The following CCDC158 variants were observed in gnomAD, a reference collection of about 807,000 sequenced individuals.
CCDC158 encodes the protein coiled-coil domain containing 158.
CCDC158 carries 116 observed loss-of-function variants against 138.6 expected under a neutral mutation model. The observed-to-expected ratio is 0.84, with a 90% CI of 0.72 to 0.98. CCDC158 has a LOEUF of 0.98. CCDC158 is among the 50% of genes least tolerant of loss of function. CCDC158 has a pLI of 0.00. For synonymous variants in CCDC158, 436 were observed against 442.4 expected (o/e 0.99, Z 0.18); for missense variants, 1,265 against 1,306.1 (o/e 0.97, Z 0.48).
chr4:76,384,456 C>G, intron 5 of CCDC158, 41 bp from the exon 6 acceptor site: 1 of 1,572,922 alleles, frequency 6.4e-7, no homozygotes, highest in Admixed American at 1.8e-5. Flanking sequence ...ATTGATAAAA[C>G]TCATATTCAC....
Position 76,334,101 on chromosome 4 carries a change from A to G in CCDC158, c.2731T>C (p.Leu911=), listed in dbSNP as rs745935143. 2 of 1,613,470 alleles carry G rather than the reference A, an allele frequency of 1.2e-6. No individual in the cohort carries two copies. Among genetic ancestry groups the G allele is most frequent in the Non-Finnish European group, 1.7e-6 (2 of 1,179,714 alleles). Residue 911 remains leucine, a synonymous_variant, in exon 19 of 25, where the codon TTG becomes CTG. Coordinates refer to ENST00000682701, the MANE Select transcript of CCDC158 (RefSeq NM_001394954.1). The part of the protein sequence containing the change: ...TRDLKQLLQE[L]RSVINEEPAV... ...GGCTCCTCATTGATCACGCTTCTCAACTCTTGGAGAAGCTGTTTCAGGTCC... is the reference window on the plus strand; with the variant it reads ...GGCTCCTCATTGATCACGCTTCTCAGCTCTTGGAGAAGCTGTTTCAGGTCC...
chr4:76,344,695 C>T (rs1236057858), intron 18 of CCDC158: 1 of 1,613,798 alleles, frequency 6.2e-7, no homozygotes, highest in African/African-American at 1.3e-5. Flanking sequence ...TTTTCTGTTA[C>T]AAGGCAACAT....
At chr4:76,317,180 C>T (rs929596903) in intron 24 of CCDC158, among the ~76,000 whole-genome samples, 2 of 151,858 alleles carry the variant, frequency 1.3e-5, no homozygotes, top group African/African-American at 4.8e-5. Context: ...CTTAAAGATA[C>T]GGAATGGCAG....
chr4:76,353,772 A>G (rs929623054), intron 15 of CCDC158, among the ~76,000 whole-genome samples: 3 of 152,214 alleles, frequency 2.0e-5, no homozygotes, highest in Non-Finnish European at 4.4e-5. Flanking sequence ...AAGTCACTTA[A>G]CAGCCCAATG....
At chr4:76,313,360 A>C in intron 24 of CCDC158, 114 bp from the exon 25 acceptor site, 1 of 541,052 alleles carries the variant, frequency 1.8e-6, no homozygotes, top group Non-Finnish European at 3.1e-6. Flanking sequence ...TCTGAGCTCA[A>C]GACATTCTTA....
At chr4:76,405,621 C>A (rs1003818230) in intron 2 of CCDC158, among the ~76,000 whole-genome samples, 1 of 151,650 alleles carries the variant, frequency 6.6e-6, no homozygotes, top group Non-Finnish European at 1.5e-5. Context: ...CACTGAATAG[C>A]GATATAAATA....
At chr4:76,379,524 T>C (rs1726029451) in intron 8 of CCDC158, 120 bp from the exon 9 acceptor site, 5 of 480,336 alleles carry the variant, frequency 1.0e-5, no homozygotes, top group Non-Finnish European at 1.8e-5. Context: ...ATTAAGCCAA[T>C]AGTCTTTTAT....
intron 4 of CCDC158, among the ~76,000 whole-genome samples, chr4:76,393,131 A>G (rs1727458772): frequency 6.6e-6 from 1 of 152,108 alleles, no homozygotes. Flanking sequence ...AGAAAAAACA[A>G]TCTTAAAATT....
At position 76,404,998 on chromosome 4, in the gene CCDC158, T is replaced by C. The variant is rs546170775; in HGVS notation, c.-73-1718A>G. Among the ~76,000 whole-genome samples the C allele has an allele frequency of 3.3e-5, 5 of 152,160 alleles. No individual in the cohort carries two copies. In the East Asian group the frequency reaches 9.6e-4, roughly 29 times the overall value. On this transcript the variant is annotated intron_variant, in intron 2 of 24. Coordinates refer to ENST00000682701, the MANE Select transcript of CCDC158 (RefSeq NM_001394954.1). ...ACAGAACTACTATTTAAAACTATAA[T>C]CCAAGAAAATTTTCTAGAAATAAAG...
At chr4:76,407,510 G>T (rs1012299629) in intron 2 of CCDC158, among the ~76,000 whole-genome samples, 2 of 152,116 alleles carry the variant, frequency 1.3e-5, no homozygotes, top group Non-Finnish European at 2.9e-5. Flanking sequence ...GTACAAGAAG[G>T]ATGCCTTCTC....
intron 3 of CCDC158, 71 bp downstream of exon 3, chr4:76,403,067 A>G: frequency 1.9e-6 from 2 of 1,056,350 alleles, no homozygotes; most frequent in Non-Finnish European, 2.9e-6. Context: ...AACATACTAG[A>G]AACAGCAGCT....
intron 18 of CCDC158, among the ~76,000 whole-genome samples, chr4:76,346,158 T>A (rs1463251941): frequency 6.6e-6 from 1 of 152,212 alleles, no homozygotes; most frequent in East Asian, 1.9e-4. Context: ...CCTAATTTAA[T>A]AAATGGTGTT....
intron 20 of CCDC158, 102 bp from the exon 21 acceptor site, chr4:76,331,505 G>T: frequency 2.2e-6 from 2 of 912,418 alleles, no homozygotes; most frequent in Non-Finnish European, 3.6e-6. Context: ...TATGTAGGGT[G>T]AAATGGTATC....
At position 76,383,870 on chromosome 4, in the gene CCDC158, A is replaced by G. The variant is rs1350909812; in HGVS notation, c.727-132T>C. The G allele has an allele frequency of 7.0e-6, 5 of 718,232 alleles. No homozygotes were observed. The African/African-American group carries it at 7.2e-5, about 10-fold the overall frequency. 44.5% of individuals were successfully genotyped at this position (718,232 alleles called of 1,614,324 possible). A position where few individuals can be genotyped will look rare whatever the true frequency, so the allele number is the denominator to read the frequency against. On this transcript the variant is annotated intron_variant, in intron 6 of 24. Transcript: ENST00000682701. ...CTAAAATCAGATACATTCTATCCCC[A>G]TATTTTATTAGATCTTTTACTTTGT...
intron 4 of CCDC158, among the ~76,000 whole-genome samples, chr4:76,389,743 C>T (rs1727142280): frequency 1.3e-5 from 2 of 152,080 alleles, no homozygotes; most frequent in Admixed American, 1.3e-4. Flanking sequence ...TACAATGGAG[C>T]TCCAATACAT....
In CCDC158 at chr4:76,351,750, G is replaced by A. The variant is rs1244502898; in HGVS notation, c.2508C>T (p.Arg836=). The A allele has an allele frequency of 6.2e-7, 1 of 1,612,868 alleles. No individual in the cohort carries two copies. ...IIQRQEQESV[R]LKLQHTLDIK... is the part of the protein sequence containing the mutation. ...TATCCAAAGTGTGTTGAAGTTTTAA[G>A]CGCACTGATTCTTGCTCCTGACGCT... is the stretch of plus-strand genomic sequence containing the variant. Residue 836 remains arginine (R), a synonymous_variant, in exon 17 of 25, where the codon CGC becomes CGT. Coordinates refer to ENST00000682701, the MANE Select transcript of CCDC158 (RefSeq NM_001394954.1).
chr4:76,326,158 G>C (rs1720514117), intron 22 of CCDC158, 143 bp from the exon 23 acceptor site: 9 of 675,134 alleles, frequency 1.3e-5, no homozygotes, highest in Non-Finnish European at 2.0e-5. Flanking sequence ...CCCAAGATTT[G>C]GGGTTGGAAC....
chr4:76,355,483 A>G, intron 14 of CCDC158, 47 bp from the exon 15 acceptor site: 1 of 1,205,830 alleles, frequency 8.3e-7, no homozygotes, highest in Non-Finnish European at 1.2e-6. Context: ...CTTAAGTTTG[A>G]GAGACTATGG....
Position 76,369,585 on chromosome 4 carries a change from CT to C in CCDC158, c.1187del (p.Glu396GlyfsTer43). 1 of 1,614,176 alleles carries C rather than the reference CT, an allele frequency of 6.2e-7. No individual in the cohort carries two copies. The highest frequency in any genetic ancestry group is 8.5e-7 in the Non-Finnish European group (1 of 1,180,020). ...LHKREKELSL[E>X]KEQNKRLWDR... ...CCCACAGACGCTTATTCTGCTCCTT[CT>C]CCAGACTCAGCTCCTTCTCCCTTTT... On this transcript the variant is annotated frameshift_variant, in exon 11 of 25. Coordinates refer to ENST00000682701, the MANE Select transcript of CCDC158 (RefSeq NM_001394954.1). LOFTEE classifies it high-confidence loss of function.
Sources: allele counts gnomAD v4.1 joint callset (sites outside exome capture counted in the v4.1 genomes callset), GRCh38; gene constraint gnomAD v4.1.1; transcripts MANE v1.5; gene names NCBI Gene and HGNC (gene_info 2026-07-23, HGNC 2026-07-21).